Variants in ASXL1 observed in about 807,000 individuals in gnomAD.
The protein encoded by ASXL1 is polycomb group protein ASXL1.
A neutral mutation model predicts 89.1 loss-of-function variants in ASXL1; 65 were observed. The ratio of observed to expected loss-of-function variants is 0.73; its 90% CI spans 0.60 to 0.90. ASXL1 has a LOEUF of 0.90. Among genes scored for constraint, ASXL1 ranks in the 40% least tolerant of loss-of-function variants. The probability of loss-of-function intolerance (pLI) is 0.00; values close to 1 mark genes in which losing one functional copy is unlikely to be tolerated. For missense variants in ASXL1, 1,786 were observed against 1,942.9 expected, an observed-to-expected ratio of 0.92 and a Z score of 1.52; for synonymous variants, 739 against 746.9, an observed-to-expected ratio of 0.99 and a Z score of 0.17.
At chr20:32,379,081 TCACACACACA>T (rs60897071) in intron 4 of ASXL1, among the ~76,000 whole-genome samples, 2 of 143,068 alleles carry the variant, frequency 1.4e-5, no homozygotes, top group Non-Finnish European at 3.0e-5. Context: ...ACTCTGTCTC[TCACACACACA>T]CACACACAGA....
chr20:32,434,249 G>A (rs2011641405), intron 12 of ASXL1, 183 bp from the exon 13 acceptor site: 2 of 818,264 alleles, frequency 2.4e-6, no homozygotes, highest in South Asian at 1.7e-5. Context: ...CAGCCCTTGA[G>A]CAGAATCTTC....
In ASXL1 at chr20:32,398,867, C is replaced by T. The variant is rs528128656; in HGVS notation, c.253-29261C>T. Reference sequence around the variant, plus strand: ...CTCGTGATCCGCCCGCCTCGGCCTCCCAAAGTGCTGGGATTACAGGCGTGA... The same window carrying T: ...CTCGTGATCCGCCCGCCTCGGCCTCTCAAAGTGCTGGGATTACAGGCGTGA... On this transcript the variant is annotated intron_variant, in intron 4 of 12. Transcript: ENST00000375687. 2.6e-5 allele frequency among the ~76,000 whole-genome samples: 4 copies of T among 151,692 alleles called. No homozygotes were observed. The East Asian group carries it at 7.8e-4, about 30-fold the overall frequency.
intron 4 of ASXL1, among the ~76,000 whole-genome samples, chr20:32,387,312 T>C (rs2048596635): frequency 6.6e-6 from 1 of 152,124 alleles, no homozygotes; most frequent in Non-Finnish European, 1.5e-5. Context: ...AAAAATTTAA[T>C]ATTATGTATA....
At chr20:32,387,916 G>A (rs1459332841) in intron 4 of ASXL1, among the ~76,000 whole-genome samples, 1 of 152,268 alleles carries the variant, frequency 6.6e-6, no homozygotes, top group East Asian at 1.9e-4. Context: ...AAATTAGTGG[G>A]AACTCCATTT....
chr20:32,372,047 C>T, intron 4 of ASXL1: 2 of 1,274,836 alleles, frequency 1.6e-6, no homozygotes, highest in African/African-American at 1.5e-5. Context: ...CTATGAGTAC[C>T]TTAAGGGCAG....
chr20:32,360,091 T>TG lies in ASXL1; in HGVS notation c.57+1266dup, dbSNP rs3215636. Reference sequence around the variant, plus strand: ...CAAAAAAAAAAAAAATAGACTGTATTGGGGGGGTTGACACAAACCTGAAGT... The same window carrying TG: ...CAAAAAAAAAAAAAATAGACTGTATTGGGGGGGGTTGACACAAACCTGAAGT... On this transcript the variant is annotated intron_variant, in intron 1 of 12. Coordinates refer to ENST00000375687, the MANE Select transcript of ASXL1 (RefSeq NM_015338.6). The TG allele has an allele frequency of 3.0e-4, 125 of 412,620 alleles. 1 individual carries two copies. The East Asian group carries it at 4.2e-3, about 14-fold the overall frequency. The allele number at this position is 412,620 out of a possible 1,614,324, so 25.6% of individuals were successfully genotyped here. A position where few individuals can be genotyped will look rare whatever the true frequency, so the allele number is the denominator to read the frequency against.
intron 4 of ASXL1, among the ~76,000 whole-genome samples, chr20:32,374,458 A>G (rs1453185339): frequency 1.3e-5 from 2 of 151,924 alleles, no homozygotes; most frequent in Non-Finnish European, 2.9e-5. Context: ...CACCTAATTA[A>G]AAAAAATTTT....
At position 32,436,730 on chromosome 20, in the gene ASXL1, C is replaced by A. The variant is rs375493039; in HGVS notation, c.4018C>A (p.Pro1340Thr). 25 of 1,614,098 alleles carry A rather than the reference C, an allele frequency of 1.5e-5. No homozygotes were observed. Among genetic ancestry groups the A allele is most frequent in the Non-Finnish European group, 1.9e-5 (22 of 1,180,036 alleles). Reference protein sequence around the residue: ...PPVFPSGKLGPSTNSMSGGVQ... With the variant: ...PPVFPSGKLGTSTNSMSGGVQ... Reference sequence around the variant, plus strand: ...AGTTTTTCCCAGTGGGAAGTTGGGACCAAGCACAAACTCCATGTCTGGTGG... The same window carrying A: ...AGTTTTTCCCAGTGGGAAGTTGGGAACAAGCACAAACTCCATGTCTGGTGG... The change falls in exon 13 of 13, where the codon CCA (proline) becomes ACA (threonine). Residue 1340 changes from proline (P) to threonine (T), a missense_variant. Physicochemically the swap from Pro to Thr is conservative, Grantham distance 38. Coordinates refer to ENST00000375687, the MANE Select transcript of ASXL1 (RefSeq NM_015338.6).
chr20:32,359,642 T>C (rs2048075999), intron 1 of ASXL1: 4 of 715,312 alleles, frequency 5.6e-6, no homozygotes, highest in Non-Finnish European at 1.0e-5. Context: ...TTGCAAAGAA[T>C]GTATGTTGGA....
At chr20:32,367,695 T>C in intron 2 of ASXL1, 32 bp from the exon 3 acceptor site, 1 of 780,848 alleles carries the variant, frequency 1.3e-6, no homozygotes, top group Non-Finnish European at 2.4e-6. Context: ...CATGCTGCTG[T>C]CTGCACTGCT....
At chr20:32,399,747 CTTTTTTTT>C (rs369127811) in intron 4 of ASXL1, among the ~76,000 whole-genome samples, 36 of 73,888 alleles carry the variant, frequency 4.9e-4, no homozygotes, top group African/African-American at 2.4e-3. Flanking sequence ...ATATTTTACT[CTTTTTTTT>C]TTTTTTTTTT....
Position 32,414,599 on chromosome 20 carries a change from T to G in ASXL1, c.253-13529T>G, listed in dbSNP as rs535577016. 4.6e-5 allele frequency among the ~76,000 whole-genome samples: 7 copies of G among 152,324 alleles called. No homozygotes were observed. In the South Asian group the frequency reaches 1.4e-3, roughly 32 times the overall value. On this transcript the variant is annotated intron_variant, in intron 4 of 12. Coordinates refer to ENST00000375687, the MANE Select transcript of ASXL1 (RefSeq NM_015338.6). ...TGGGCCTCTTTGAGAACATTTACTA[T>G]GAAATTTTATTTATCTTTGTTTCCT...
chr20:32,426,283 A>T (rs1374638986), intron 4 of ASXL1, among the ~76,000 whole-genome samples: 1 of 152,068 alleles, frequency 6.6e-6, no homozygotes, highest in African/African-American at 2.4e-5. Context: ...TACTTTCATC[A>T]AGGGTGTATG....
intron 4 of ASXL1, among the ~76,000 whole-genome samples, chr20:32,423,521 G>A (rs2011194300): frequency 6.6e-6 from 1 of 151,484 alleles, no homozygotes; most frequent in Admixed American, 6.6e-5. Context: ...TTACAGGTGT[G>A]GGCCACAATA....
chr20:32,359,506 T>C (rs2048073622), intron 1 of ASXL1: 7 of 646,246 alleles, frequency 1.1e-5, no homozygotes, highest in Non-Finnish European at 2.0e-5. Flanking sequence ...AATCTGCGCT[T>C]TCACCAGCTT....
At position 32,438,135 on chromosome 20, in the gene ASXL1, A is replaced by G. The variant is rs534699856; in HGVS notation, c.*797A>G. ...CACTTTGGACCCTATGGGAGTGGGCATCTCCACGCACCTGTGTATGTGAAA... is the reference window on the plus strand; with the variant it reads ...CACTTTGGACCCTATGGGAGTGGGCGTCTCCACGCACCTGTGTATGTGAAA... On this transcript the variant is annotated 3_prime_UTR_variant, in exon 13 of 13. Transcript: ENST00000375687. 2.1e-5 allele frequency: 5 copies of G among 233,586 alleles called. No individual in the cohort carries two copies. The highest frequency in any genetic ancestry group is 8.8e-5 in the African/African-American group (4 of 45,446). 14.5% of individuals were successfully genotyped at this position (233,586 alleles called of 1,614,324 possible). A position where few individuals can be genotyped will look rare whatever the true frequency, so the allele number is the denominator to read the frequency against.
intron 4 of ASXL1, among the ~76,000 whole-genome samples, chr20:32,407,324 A>G (rs930064040): frequency 1.3e-5 from 2 of 151,648 alleles, no homozygotes; most frequent in African/African-American, 4.9e-5. Context: ...AACCTGGGCA[A>G]CAGAGCTAGA....
In ASXL1 at chr20:32,438,256, G is replaced by A. The variant is rs1403362341; in HGVS notation, c.*918G>A. The A allele has an allele frequency of 8.6e-6, 2 of 233,390 alleles. No homozygotes were observed. The highest frequency in any genetic ancestry group is 8.5e-6 in the Non-Finnish European group (1 of 117,948). 14.5% of individuals were successfully genotyped at this position (233,390 alleles called of 1,614,324 possible). ...AAAGTGAACTTTTTGGCTTCTGTAA[G>A]TATGCTCTATGCACCTCTAATGTTT... On this transcript the variant is annotated 3_prime_UTR_variant, in exon 13 of 13. Transcript: ENST00000375687.
At chr20:32,364,693 T>C (rs2048177723) in intron 1 of ASXL1, among the ~76,000 whole-genome samples, 1 of 152,224 alleles carries the variant, frequency 6.6e-6, no homozygotes, top group Non-Finnish European at 1.5e-5. Flanking sequence ...CCACCGTGCC[T>C]GGCCTGTTGA....
Sources: gnomAD v4.1 joint callset for allele counts (sites outside exome capture counted in the v4.1 genomes callset) on GRCh38, gnomAD v4.1.1 for gene constraint, MANE v1.5 for transcripts, NCBI Gene and HGNC (gene_info 2026-07-23, HGNC 2026-07-21) for gene names.